Variants in CNGB1 observed in about 807,000 individuals in gnomAD.
CNGB1 encodes cyclic nucleotide-gated channel beta-1.
A neutral mutation model predicts 151.7 loss-of-function variants in CNGB1; 126 were observed. That is an observed-to-expected ratio of 0.83 (90% CI 0.72 to 0.96). CNGB1 has a LOEUF of 0.96. Ranked by LOEUF, CNGB1 falls within the 40% of genes least tolerant of loss-of-function variation. The pLI is 0.00. For synonymous variants in CNGB1, 623 were observed against 635.1 expected (o/e 0.98, Z 0.29); for missense variants, 1,698 against 1,627.0 (o/e 1.04, Z -0.75).
intron 14 of CNGB1, among the ~76,000 whole-genome samples, chr16:57,948,241 C>T (rs762673490): frequency 6.6e-6 from 1 of 152,152 alleles, no homozygotes. Flanking sequence ...TCAATGGCTC[C>T]CCATCGCCTT....
intron 14 of CNGB1, among the ~76,000 whole-genome samples, chr16:57,941,200 AATG>A (rs1239327522): frequency 1.3e-5 from 2 of 152,206 alleles, no homozygotes; most frequent in Non-Finnish European, 2.9e-5. Context: ...TCTGGGTTAA[AATG>A]ATGACTCAGG....
At chr16:57,893,269 A>T (rs1319928443) in intron 31 of CNGB1, among the ~76,000 whole-genome samples, 2 of 152,212 alleles carry the variant, frequency 1.3e-5, no homozygotes, top group African/African-American at 4.8e-5. Context: ...TTGCTTATTT[A>T]TCTGAGAGAC....
At chr16:57,900,706 G>A (rs1289506258) in intron 29 of CNGB1, among the ~76,000 whole-genome samples, 1 of 152,158 alleles carries the variant, frequency 6.6e-6, no homozygotes, top group African/African-American at 2.4e-5. Context: ...CCCCTTTGGG[G>A]CAACCTTTCC....
At chr16:57,898,360 C>T (rs564494466) in intron 29 of CNGB1, among the ~76,000 whole-genome samples, 1 of 151,620 alleles carries the variant, frequency 6.6e-6, no homozygotes, top group Admixed American at 6.5e-5. Flanking sequence ...ATGGGAACAA[C>T]AATAACGATA....
At chr16:57,964,386 A>G (rs1962335658) in intron 3 of CNGB1, 101 bp downstream of exon 3, 1 of 1,481,094 alleles carries the variant, frequency 6.8e-7, no homozygotes, top group Middle Eastern at 2.2e-4. Flanking sequence ...CAGTTTCCTC[A>G]TCTGTGAAAT....
rs563805345 is a variant in CNGB1, at chr16:57,954,747, T to C, written c.874+2594A>G. The C allele has an allele frequency of 1.3e-3, 1,260 of 969,552 alleles. 3 individuals carry two copies. The highest frequency in any genetic ancestry group is 2.5e-3 in the Admixed American group (40 of 16,230). 60.1% of individuals were successfully genotyped at this position (969,552 alleles called of 1,614,324 possible). On this transcript the variant is annotated intron_variant, in intron 12 of 32. Coordinates refer to ENST00000251102, the MANE Select transcript of CNGB1 (RefSeq NM_001297.5). ...TGCTGCTCATTGGTGTCCCCAAGCC[T>C]TGGAAGGAGAGAGTGTGGCCAGGCC...
intron 12 of CNGB1, among the ~76,000 whole-genome samples, chr16:57,950,821 G>A (rs1961931045): frequency 1.3e-5 from 2 of 152,176 alleles, no homozygotes; most frequent in East Asian, 1.9e-4. Flanking sequence ...TTTCTCACGG[G>A]GGATTCCTTC....
At chr16:57,900,637 T>C (rs1960358342) in intron 29 of CNGB1, among the ~76,000 whole-genome samples, 1 of 151,890 alleles carries the variant, frequency 6.6e-6, no homozygotes, top group Non-Finnish European at 1.5e-5. Context: ...GGGAGGGGGT[T>C]CTAGGGTGGG....
chr16:57,962,981 G>A lies in CNGB1; in HGVS notation c.374C>T (p.Pro125Leu), dbSNP rs202053550. The change falls in exon 5 of 33, where the codon CCG (proline) becomes CTG (leucine). Residue 125 changes from proline (P) to leucine (L), a missense_variant. Physicochemically the swap from Pro to Leu is moderately conservative, Grantham distance 98. Coordinates refer to ENST00000251102, the MANE Select transcript of CNGB1 (RefSeq NM_001297.5). ...CTCCAGCCCCAGCAGTACCTGAGCC[G>A]GGTCCTCCGTGATGCTGTGAACAGG... ...PQPVHSITED[P>L]AQILGHGSTG... The A allele has an allele frequency of 1.9e-5, 31 of 1,613,072 alleles. No homozygotes were observed. The Admixed American group carries it at 3.3e-4, about 17-fold the overall frequency.
chr16:57,901,514 A>C lies in CNGB1; in HGVS notation c.2892+14T>G. The C allele has an allele frequency of 6.2e-7, 1 of 1,613,892 alleles. No homozygotes were observed. Among genetic ancestry groups the C allele is most frequent in the Non-Finnish European group, 8.5e-7 (1 of 1,179,744 alleles). On this transcript the variant is annotated intron_variant, in intron 28 of 32. Transcript: ENST00000251102. ...CTCCCACAGCCCTGAGCGTGAGGGC[A>C]CCAAAAGGTGTACCTGAAAGAGTGC...
chr16:57,909,478 C>T lies in CNGB1; in HGVS notation c.2492+2275G>A, dbSNP rs143117907. 3.2e-3 allele frequency among the ~76,000 whole-genome samples: 490 copies of T among 152,222 alleles called. 4 individuals carry two copies. The highest frequency in any genetic ancestry group is 0.011 in the African/African-American group (458 of 41,514). ...TTGGCTCACTGCAACCTCCCCCTTC[C>T]GGGTTCCAGCGATACTTCTCCTGCT... On this transcript the variant is annotated intron_variant, in intron 25 of 32. Coordinates refer to ENST00000251102, the MANE Select transcript of CNGB1 (RefSeq NM_001297.5).
At position 57,913,009 on chromosome 16, in the gene CNGB1, G is replaced by A; in HGVS notation, c.2305-15C>T. On this transcript the variant is annotated splice_polypyrimidine_tract_variant and intron_variant, in intron 23 of 32. Transcript: ENST00000251102. ...AAGGCCATGTACTGGAGGGAGAGGA[G>A]GGCGTGAGAGCAGCCCACCGGCCAT... is the stretch of plus-strand genomic sequence containing the variant. The A allele has an allele frequency of 5.6e-6, 9 of 1,613,572 alleles. No homozygotes were observed. The highest frequency in any genetic ancestry group is 7.6e-6 in the Non-Finnish European group (9 of 1,179,652).
Position 57,901,277 on chromosome 16 carries a change from C to A in CNGB1, c.2976+75G>T, listed in dbSNP as rs1356166243. On this transcript the variant is annotated intron_variant, in intron 29 of 32. Transcript: ENST00000251102. ...CGCTCTGCCCTGGGCTGGCAGGCACCCCTCCAGCTCAGTTCCTTGAAAGCC... is the reference window on the plus strand; with the variant it reads ...CGCTCTGCCCTGGGCTGGCAGGCACACCTCCAGCTCAGTTCCTTGAAAGCC... The A allele has an allele frequency of 4.9e-6, 7 of 1,425,802 alleles. No individual in the cohort carries two copies. The African/African-American group carries it at 7.0e-5, about 14-fold the overall frequency. 88.3% of individuals were successfully genotyped at this position (1,425,802 alleles called of 1,614,324 possible). A position where few individuals can be genotyped will look rare whatever the true frequency, so the allele number is the denominator to read the frequency against.
At chr16:57,909,624 T>G (rs439430) in intron 25 of CNGB1, among the ~76,000 whole-genome samples, 29 of 152,130 alleles carry the variant, frequency 1.9e-4, no homozygotes, top group African/African-American at 6.7e-4. Flanking sequence ...CTTGGCCTCA[T>G]GTGATCTGCC....
chr16:57,884,254 C>T lies in CNGB1; in HGVS notation c.3666G>A (p.Ser1222=). Residue 1222 remains serine, a synonymous_variant, in exon 33 of 33, where the codon TCG becomes TCA. Transcript: ENST00000251102. ...EEGPAEPEEH[S]VRICMSPGPE... ...GGCCCGGGCTCATGCAGATCCTCAC[C>T]GAGTGCTCTTCGGGCTCGGCCGGCC... 1.2e-6 allele frequency: 2 copies of T among 1,613,860 alleles called. No homozygotes were observed. Among genetic ancestry groups the T allele is most frequent in the Non-Finnish European group, 8.5e-7 (1 of 1,179,910 alleles).
chr16:57,906,166 C>T lies in CNGB1; in HGVS notation c.2493-1291G>A, dbSNP rs543024519. 3.9e-5 allele frequency among the ~76,000 whole-genome samples: 6 copies of T among 152,348 alleles called. No individual in the cohort carries two copies. In the South Asian group the frequency reaches 8.3e-4, roughly 21 times the overall value. ...AGGCTGGCTGGGCTCAGCCATTCGG[C>T]TCAGCCACCTTCTGGCTGCATAACT... On this transcript the variant is annotated intron_variant, in intron 25 of 32. Transcript: ENST00000251102.
intron 31 of CNGB1, among the ~76,000 whole-genome samples, chr16:57,891,354 A>T (rs1362768606): frequency 6.6e-6 from 1 of 152,128 alleles, no homozygotes; most frequent in Non-Finnish European, 1.5e-5. Context: ...ACCATAATAC[A>T]TGAACTTGGC....
At chr16:57,901,705 C>G in intron 27 of CNGB1, 80 bp from the exon 28 acceptor site, 1 of 1,151,628 alleles carries the variant, frequency 8.7e-7, no homozygotes, top group South Asian at 1.3e-5. Flanking sequence ...TGCCCACCTA[C>G]TGGCTCACCA....
At chr16:57,894,434 C>G (rs1267899553) in intron 31 of CNGB1, among the ~76,000 whole-genome samples, 1 of 152,172 alleles carries the variant, frequency 6.6e-6, no homozygotes, top group Non-Finnish European at 1.5e-5. Flanking sequence ...AGCCCCATCT[C>G]TACTAAAAAT....
Sources: gnomAD v4.1 joint callset for allele counts (sites outside exome capture counted in the v4.1 genomes callset) on GRCh38, gnomAD v4.1.1 for gene constraint, MANE v1.5 for transcripts, NCBI Gene and HGNC (gene_info 2026-07-23, HGNC 2026-07-21) for gene names.